Variants in EPHB1 observed in about 807,000 individuals in gnomAD.
The protein encoded by EPHB1 is EPH receptor B1.
In EPHB1, 30 loss-of-function variants were observed where a neutral mutation model predicts 94.4. The observed-to-expected ratio is 0.32, with a 90% CI of 0.24 to 0.43. The LOEUF (loss-of-function observed/expected upper bound fraction) is 0.43. Ranked by LOEUF, EPHB1 falls within the 20% of genes least tolerant of loss-of-function variation. EPHB1 has a pLI of 1.00. For missense variants in EPHB1, 1,055 were observed against 1,308.3 expected (o/e 0.81, Z 2.99); for synonymous variants, 522 against 489.1 (o/e 1.07, Z -0.89).
chr3:134,860,794 G>T (rs1253276333), intron 1 of EPHB1, among the ~76,000 whole-genome samples: 6 of 43,052 alleles, frequency 1.4e-4, no homozygotes, highest in Non-Finnish European at 4.1e-4. Context: ...GCCTGGCCAG[G>T]TGACAAAAAA....
chr3:135,227,988 G>A (rs1943440735), intron 12 of EPHB1, among the ~76,000 whole-genome samples: 2 of 152,090 alleles, frequency 1.3e-5, no homozygotes, highest in Admixed American at 6.6e-5. Flanking sequence ...TATTTCCTAA[G>A]AATAGGGAGG....
intron 12 of EPHB1, among the ~76,000 whole-genome samples, chr3:135,212,857 T>C (rs1244632203): frequency 6.6e-6 from 1 of 152,252 alleles, no homozygotes; most frequent in African/African-American, 2.4e-5. Context: ...TTTTTCTTCC[T>C]TTGTTGTTTG....
At chr3:134,821,076 C>T (rs1289972162) in intron 1 of EPHB1, among the ~76,000 whole-genome samples, 2 of 152,044 alleles carry the variant, frequency 1.3e-5, no homozygotes, top group African/African-American at 4.8e-5. Flanking sequence ...TGAAGGCAGG[C>T]TAAAGACCCA....
At chr3:134,866,180 G>A (rs542839739) in intron 1 of EPHB1, among the ~76,000 whole-genome samples, 2 of 152,208 alleles carry the variant, frequency 1.3e-5, no homozygotes, top group Non-Finnish European at 2.9e-5. Flanking sequence ...GGGAAAGCTG[G>A]ACCAGCAGCT....
At chr3:135,174,055 C>G (rs1430831869) in intron 9 of EPHB1, among the ~76,000 whole-genome samples, 1 of 152,220 alleles carries the variant, frequency 6.6e-6, no homozygotes, top group Admixed American at 6.5e-5. Context: ...TGTTATCTTA[C>G]ACCTGAATTT....
At chr3:135,004,084 C>T (rs1483117212) in intron 3 of EPHB1, among the ~76,000 whole-genome samples, 1 of 151,980 alleles carries the variant, frequency 6.6e-6, no homozygotes, top group Non-Finnish European at 1.5e-5. Flanking sequence ...CATGATTTTG[C>T]AGCAGCTGGT....
chr3:134,824,303 C>G (rs1013891052), intron 1 of EPHB1, among the ~76,000 whole-genome samples: 2 of 151,912 alleles, frequency 1.3e-5, no homozygotes, highest in African/African-American at 4.8e-5. Flanking sequence ...ATGTGGGTCC[C>G]TGGAAGGAGA....
At position 135,192,620 on chromosome 3, in the gene EPHB1, A is replaced by G. The variant is rs775938790; in HGVS notation, c.1927A>G (p.Lys643Glu). Residue 643 changes from lysine (K) to glutamate (E), a missense_variant, in exon 11 of 16, where the codon AAG becomes GAG. Coordinates refer to ENST00000398015, the MANE Select transcript of EPHB1 (RefSeq NM_004441.5). ...CAAGGGGCGTTTGAAACTGCCAGGCAAGAGGGAAATCTACGTGGCCATCAA... is the reference window on the plus strand; with the variant it reads ...CAAGGGGCGTTTGAAACTGCCAGGCGAGAGGGAAATCTACGTGGCCATCAA... ...VYKGRLKLPGKREIYVAIKTL... is the reference protein window; with the variant it reads ...VYKGRLKLPGEREIYVAIKTL... 11 of 1,614,018 alleles carry G rather than the reference A, an allele frequency of 6.8e-6. No homozygotes were observed. Among genetic ancestry groups the G allele is most frequent in the Non-Finnish European group, 9.3e-6 (11 of 1,179,934 alleles).
At chr3:135,019,297 C>A (rs1169954084) in intron 3 of EPHB1, among the ~76,000 whole-genome samples, 1 of 152,040 alleles carries the variant, frequency 6.6e-6, no homozygotes, top group Admixed American at 6.6e-5. Flanking sequence ...ATCTGGGGTC[C>A]CTTAGGCTGG....
rs779714154 is a variant in EPHB1 at position 134,951,629 on chromosome 3, T to C, written c.382T>C (p.Phe128Leu). The C allele has an allele frequency of 6.2e-7, 1 of 1,613,994 alleles. No individual in the cohort carries two copies. The highest frequency in any genetic ancestry group is 1.1e-5 in the South Asian group (1 of 91,076). The change falls in exon 3 of 16, where the codon TTC becomes CTC. Residue 128 changes from phenylalanine (F) to leucine (L), a missense_variant. Phe to Leu is a conservative substitution (Grantham distance 22). Transcript: ENST00000398015. This position sits in a 1 kb window ranked among gnomAD's most constrained non-coding sequence, Gnocchi z 4.5. ...DSVIATKKSA[F>L]WSEAPYLKVD... ...TGTCATTGCCACCAAGAAGTCAGCC[T>C]TCTGGTCTGAGGCCCCCTACCTCAA...
At chr3:134,879,511 G>A (rs1287208625) in intron 1 of EPHB1, among the ~76,000 whole-genome samples, 2 of 152,094 alleles carry the variant, frequency 1.3e-5, no homozygotes, top group East Asian at 3.9e-4. Context: ...AAATAAGTGG[G>A]TGTAGTGGGG....
intron 11 of EPHB1, 88 bp downstream of exon 11, chr3:135,192,911 TC>T: frequency 6.5e-7 from 1 of 1,527,736 alleles, no homozygotes; most frequent in Non-Finnish European, 8.9e-7. Context: ...AACCTACCAA[TC>T]AGGAATCGCC....
intron 15 of EPHB1, among the ~76,000 whole-genome samples, chr3:135,257,059 C>T (rs1933427928): frequency 6.9e-6 from 1 of 145,616 alleles, no homozygotes; most frequent in African/African-American, 2.6e-5. Flanking sequence ...CCTTGGTTTT[C>T]AGCTCCATCA....
chr3:135,197,996 A>G (rs535820024), intron 11 of EPHB1, among the ~76,000 whole-genome samples: 2 of 152,310 alleles, frequency 1.3e-5, no homozygotes, highest in South Asian at 2.1e-4. Context: ...ATGACCCTAC[A>G]TATCTTGATA....
At chr3:135,146,329 A>G (rs1429270752) in intron 5 of EPHB1, among the ~76,000 whole-genome samples, 1 of 152,216 alleles carries the variant, frequency 6.6e-6, no homozygotes, top group Non-Finnish European at 1.5e-5. Context: ...TGAGTTTAGA[A>G]AGATTAATAT....
intron 3 of EPHB1, among the ~76,000 whole-genome samples, chr3:135,058,404 G>GGGA (rs1164251874): frequency 2.0e-5 from 3 of 152,138 alleles, no homozygotes. Context: ...GTACATCCTG[G>GGGA]GGAGGAGGAG....
chr3:135,187,290 G>A lies in EPHB1; in HGVS notation c.1883-5286G>A, dbSNP rs143717497. 4.7e-3 allele frequency among the ~76,000 whole-genome samples: 710 copies of A among 152,264 alleles called. 8 individuals carry two copies. The highest frequency in any genetic ancestry group is 0.016 in the African/African-American group (678 of 41,558). On this transcript the variant is annotated intron_variant, in intron 10 of 15. Transcript: ENST00000398015. Reference sequence around the variant, plus strand: ...ACCACAACCACTCCCCAGCACAGTCGTTTCCTTTAAGCGTCTGTCTTAAAT... The same window carrying A: ...ACCACAACCACTCCCCAGCACAGTCATTTCCTTTAAGCGTCTGTCTTAAAT...
intron 5 of EPHB1, among the ~76,000 whole-genome samples, chr3:135,134,415 C>G (rs1419241312): frequency 6.6e-6 from 1 of 152,086 alleles, no homozygotes; most frequent in Non-Finnish European, 1.5e-5. Flanking sequence ...TTTAAGCTGT[C>G]AGAACTGAGA....
Position 134,951,150 on chromosome 3 carries a change from G to C in EPHB1, c.124-221G>C, listed in dbSNP as rs1228017509. On this transcript the variant is annotated intron_variant, in intron 2 of 15. Coordinates refer to ENST00000398015, the MANE Select transcript of EPHB1 (RefSeq NM_004441.5). This position sits in a 1 kb window ranked among gnomAD's most constrained non-coding sequence, Gnocchi z 4.5. ...GGGACAGCTTTCTTGAATGAAGTGT[G>C]TTATATTTTGGGATGGGCTGCAAAA... 2.6e-5 allele frequency among the ~76,000 whole-genome samples: 4 copies of C among 152,246 alleles called. No individual in the cohort carries two copies. In the South Asian group the frequency reaches 8.3e-4, roughly 32 times the overall value.
Sources: allele counts gnomAD v4.1 joint callset (sites outside exome capture counted in the v4.1 genomes callset), GRCh38; gene constraint gnomAD v4.1.1; non-coding constraint Gnocchi (gnomAD v3.1); transcripts MANE v1.5; gene names NCBI Gene and HGNC (gene_info 2026-07-23, HGNC 2026-07-21).